Variants in OR4K1 observed in about 807,000 individuals in gnomAD.
OR4K1 encodes olfactory receptor family 4 subfamily K member 1, also known as olfactory receptor 4K1.
Under a neutral mutation model 14.4 loss-of-function variants are expected in OR4K1, and 16 were observed. The observed-to-expected ratio is 1.11, with a 90% confidence interval of 0.75 to 1.68. The LOEUF (loss-of-function observed/expected upper bound fraction) is 1.68. Ranked by LOEUF, OR4K1 falls within the 40% of genes most tolerant of loss-of-function variation. The pLI, the probability that OR4K1 is intolerant of heterozygous loss-of-function variation, is 0.00. For missense variants in OR4K1, 548 were observed against 376.9 expected, an observed-to-expected ratio of 1.45 and a Z score of -3.76; for synonymous variants, 181 against 133.1, an observed-to-expected ratio of 1.36 and a Z score of -2.48.
the OR4K1 span, among the ~76,000 whole-genome samples, chr14:19,922,800 C>T: frequency 6.6e-6 from 1 of 152,190 alleles, no homozygotes; most frequent in East Asian, 1.9e-4. Context: ...GTGATCTTAA[C>T]CCTGGCAACC....
upstream of OR4K1, among the ~76,000 whole-genome samples, chr14:19,927,679 T>C (rs954632): frequency 0.69 from 104,961 of 151,332 alleles, 32,115 homozygotes; most frequent in East Asian, 0.78. Context: ...GGTGCCATTC[T>C]GCAGAAAGAC....
chr14:19,923,602 C>G, the OR4K1 span, among the ~76,000 whole-genome samples: 1 of 152,074 alleles, frequency 6.6e-6, no homozygotes, highest in Non-Finnish European at 1.5e-5. Context: ...CAAAAAATTA[C>G]AATTATTTAT....
At position 19,936,597 on chromosome 14, in the gene OR4K1, A is replaced by C. The variant is rs767377945; in HGVS notation, c.931A>C (p.Asn311His). Residue 311 changes from asparagine to histidine, a missense_variant, in exon 2 of 2, where the codon AAC (asparagine) becomes CAC (histidine). Asn to His is a moderately conservative substitution (Grantham distance 68). Transcript: ENST00000641172. The part of the protein sequence containing the change: ...LRNRHVNSWK[N>H] ...AAACCGTCATGTGAACTCCTGGAAAAACTAGGGATCATTACGAAGGAGCAT... is the reference window on the plus strand; with the variant it reads ...AAACCGTCATGTGAACTCCTGGAAACACTAGGGATCATTACGAAGGAGCAT... 6.3e-7 allele frequency: 1 copy of C among 1,598,282 alleles called. No homozygotes were observed. The highest frequency in any genetic ancestry group is 8.5e-7 in the Non-Finnish European group (1 of 1,173,406).
chr14:19,927,919 A>G (rs982512825), upstream of OR4K1, among the ~76,000 whole-genome samples: 6 of 152,244 alleles, frequency 3.9e-5, no homozygotes, highest in Non-Finnish European at 7.3e-5. Flanking sequence ...ACAGTGAAGA[A>G]ACTGGAATTT....
At chr14:19,927,803 C>A (rs1265097493), upstream of OR4K1, among the ~76,000 whole-genome samples, 1 of 152,214 alleles carries the variant, frequency 6.6e-6, no homozygotes, top group East Asian at 1.9e-4. Context: ...TCCCTCTCTA[C>A]CTGTAGTCCT....
upstream of OR4K1, among the ~76,000 whole-genome samples, chr14:19,929,641 A>G (rs1214782876): frequency 6.6e-6 from 1 of 152,212 alleles, no homozygotes; most frequent in East Asian, 1.9e-4. Flanking sequence ...AAATGGAATT[A>G]TTAGGAGGAT....
the OR4K1 span, among the ~76,000 whole-genome samples, chr14:19,925,261 A>T: frequency 6.6e-6 from 1 of 152,188 alleles, no homozygotes; most frequent in Non-Finnish European, 1.5e-5. Context: ...AACATTGATT[A>T]TATTACTATT....
the OR4K1 span, among the ~76,000 whole-genome samples, chr14:19,924,680 C>A: frequency 6.6e-6 from 1 of 152,180 alleles, no homozygotes; most frequent in Non-Finnish European, 1.5e-5. Flanking sequence ...TTTGACCCAG[C>A]AAACCCATTA....
chr14:19,928,666 T>C (rs148633824), upstream of OR4K1, among the ~76,000 whole-genome samples: 31 of 152,288 alleles, frequency 2.0e-4, no homozygotes, highest in East Asian at 5.8e-3. Context: ...AAATGTATGT[T>C]TCTATTTAGA....
chr14:19,921,675 A>T, the OR4K1 span: 1 of 1,250,260 alleles, frequency 8.0e-7, no homozygotes, highest in Non-Finnish European at 1.1e-6. Context: ...AGTGAAGAAG[A>T]TAATATAGAG....
the OR4K1 span, among the ~76,000 whole-genome samples, chr14:19,922,078 C>CCG: frequency 4.2e-3 from 629 of 150,446 alleles, 1 homozygote; most frequent in Admixed American, 6.5e-3. Context: ...CTCCCCCCCC[C>CCG]AAAAATCAAT....
chr14:19,923,119 A>G, the OR4K1 span, among the ~76,000 whole-genome samples: 1 of 152,234 alleles, frequency 6.6e-6, no homozygotes, highest in African/African-American at 2.4e-5. Flanking sequence ...CTATTTTTAT[A>G]TATTTGTAAA....
At chr14:19,933,251 C>T (rs1290145952) in intron 1 of OR4K1, among the ~76,000 whole-genome samples, 1 of 151,572 alleles carries the variant, frequency 6.6e-6, no homozygotes, top group Non-Finnish European at 1.5e-5. Context: ...TGCTTAATAA[C>T]CTATGAAAAT....
chr14:19,934,204 C>T (rs1412163529), intron 1 of OR4K1, among the ~76,000 whole-genome samples: 1 of 152,170 alleles, frequency 6.6e-6, no homozygotes. Flanking sequence ...GAGCTAAGGT[C>T]AAAAATGTTT....
At chr14:19,928,892 C>T (rs1882120529), upstream of OR4K1, among the ~76,000 whole-genome samples, 1 of 152,000 alleles carries the variant, frequency 6.6e-6, no homozygotes, top group South Asian at 2.1e-4. Context: ...AGGAATTAGT[C>T]TCATTGGTCA....
In OR4K1 at chr14:19,936,448, C is replaced by A. The variant is rs1425831213; in HGVS notation, c.782C>A (p.Pro261His). 4 of 1,614,056 alleles carry A rather than the reference C, an allele frequency of 2.5e-6. No homozygotes were observed. The Admixed American group carries it at 5.0e-5, about 20-fold the overall frequency. The change falls in exon 2 of 2, where the codon CCT (proline) becomes CAT (histidine). Residue 261 changes from proline (P) to histidine (H), a missense_variant. By Grantham distance (77) the Pro-to-His change is moderately conservative. Transcript: ENST00000641172. ...FGPCIYFYIW[P>H]FSRLPVDKFL... is the part of the protein sequence containing the mutation. Reference sequence around the variant, plus strand: ...CCTTGCATTTATTTCTATATATGGCCTTTTAGCAGACTTCCTGTGGACAAA... The same window carrying A: ...CCTTGCATTTATTTCTATATATGGCATTTTAGCAGACTTCCTGTGGACAAA...
chr14:19,930,142 T>C (rs1882154312), upstream of OR4K1, among the ~76,000 whole-genome samples: 1 of 152,194 alleles, frequency 6.6e-6, no homozygotes, highest in South Asian at 2.1e-4. Context: ...TATATATATA[T>C]GTACTTAGGT....
At chr14:19,929,573 A>G (rs1194725021), upstream of OR4K1, among the ~76,000 whole-genome samples, 1 of 152,114 alleles carries the variant, frequency 6.6e-6, no homozygotes, top group Non-Finnish European at 1.5e-5. Context: ...TTTGTAGGCT[A>G]TTTTAATAAT....
the OR4K1 span, chr14:19,920,472 T>C: frequency 8.9e-7 from 1 of 1,129,384 alleles, no homozygotes; most frequent in Admixed American, 2.7e-5. Flanking sequence ...TTCAAAATTT[T>C]TGCATTCAGC....
Sources: allele counts gnomAD v4.1 joint callset (sites outside exome capture counted in the v4.1 genomes callset), GRCh38; gene constraint gnomAD v4.1.1; transcripts MANE v1.5; gene names NCBI Gene and HGNC (gene_info 2026-07-23, HGNC 2026-07-21).